The following CRISP2 variants were observed in gnomAD, a reference collection of about 807,000 sequenced individuals.
The protein encoded by CRISP2 is cysteine-rich secretory protein 2.
A neutral mutation model predicts 31.7 loss-of-function variants in CRISP2; 29 were observed. The observed-to-expected ratio is 0.92, with a 90% CI of 0.68 to 1.25. The LOEUF (loss-of-function observed/expected upper bound fraction) is 1.25. Among genes scored for constraint, CRISP2 ranks in the 50% most tolerant of loss-of-function variants. The pLI, the probability that CRISP2 is intolerant of heterozygous loss-of-function variation, is 0.00. For synonymous variants in CRISP2, 111 were observed against 101.4 expected, an observed-to-expected ratio of 1.09 and a Z score of -0.57; for missense variants, 318 against 286.5, an observed-to-expected ratio of 1.11 and a Z score of -0.79.
At chr6:49,712,428 C>T (rs963216732) in intron 2 of CRISP2, 73 bp downstream of exon 2, 5 of 152,108 alleles carry the variant, frequency 3.3e-5, no homozygotes, top group South Asian at 2.1e-4. Flanking sequence ...CATATAATTA[C>T]ATTTTATTCC....
chr6:49,690,701 A>G (rs1018725587), downstream of CRISP2, among the ~76,000 whole-genome samples: 2 of 152,050 alleles, frequency 1.3e-5, no homozygotes, highest in Non-Finnish European at 2.9e-5. Flanking sequence ...TTTACTTTAG[A>G]TTTGGACATT....
chr6:49,698,918 A>G (rs1765202517), intron 6 of CRISP2, among the ~76,000 whole-genome samples: 1 of 152,052 alleles, frequency 6.6e-6, no homozygotes, highest in South Asian at 2.1e-4. Context: ...AATGTATAAG[A>G]CTTTGTGTGA....
In CRISP2 at chr6:49,692,726, G is replaced by A. The variant is rs779132281; in HGVS notation, c.*47C>T. On this transcript the variant is annotated 3_prime_UTR_variant, in exon 10 of 10. Transcript: ENST00000339139. ...TTCCACTGGTATGTCGCAATTAAATGATGCAGCCCTTATCCATGCAGTCTT... is the reference window on the plus strand; with the variant it reads ...TTCCACTGGTATGTCGCAATTAAATAATGCAGCCCTTATCCATGCAGTCTT... 6.6e-7 allele frequency: 1 copy of A among 1,515,054 alleles called. No individual in the cohort carries two copies. Among genetic ancestry groups the A allele is most frequent in the South Asian group, 1.3e-5 (1 of 76,876 alleles). 93.9% of individuals were successfully genotyped at this position (1,515,054 alleles called of 1,614,324 possible).
At chr6:49,701,294 A>G (rs1765631084) in intron 4 of CRISP2, among the ~76,000 whole-genome samples, 1 of 151,644 alleles carries the variant, frequency 6.6e-6, no homozygotes, top group African/African-American at 2.4e-5. Context: ...TTTTCTCCCA[A>G]GTCCCCAAAG....
intron 5 of CRISP2, among the ~76,000 whole-genome samples, chr6:49,700,445 C>T (rs1765469066): frequency 1.3e-5 from 2 of 152,228 alleles, no homozygotes; most frequent in African/African-American, 2.4e-5. Flanking sequence ...ATTTGACTTC[C>T]AATTATGCCT....
intron 8 of CRISP2, among the ~76,000 whole-genome samples, chr6:49,697,202 G>T (rs1433142266): frequency 6.6e-6 from 1 of 152,050 alleles, no homozygotes; most frequent in Non-Finnish European, 1.5e-5. Context: ...ATTTATTGTG[G>T]ATAACTCTAA....
downstream of CRISP2, among the ~76,000 whole-genome samples, chr6:49,689,159 G>A (rs925662380): frequency 6.6e-5 from 10 of 152,068 alleles, no homozygotes; most frequent in African/African-American, 1.9e-4. Context: ...GTGAGCCACT[G>A]TGCCCAGCCT....
chr6:49,691,405 T>C (rs1764049571), downstream of CRISP2, among the ~76,000 whole-genome samples: 1 of 152,094 alleles, frequency 6.6e-6, no homozygotes, highest in Admixed American at 6.5e-5. Flanking sequence ...TGGGGAGCTA[T>C]ATATACAATG....
the CRISP2 span, among the ~76,000 whole-genome samples, chr6:49,684,870 G>A: frequency 2.0e-5 from 3 of 152,160 alleles, no homozygotes; most frequent in African/African-American, 7.2e-5. Context: ...TAAACTTTCA[G>A]TCAATTAGTA....
At chr6:49,708,585 G>C (rs1194644114) in intron 4 of CRISP2, among the ~76,000 whole-genome samples, 3 of 152,132 alleles carry the variant, frequency 2.0e-5, no homozygotes, top group African/African-American at 7.2e-5. Context: ...ACCAGAAGGT[G>C]GGGAAAGGCA....
At chr6:49,687,232 C>A in the CRISP2 span, among the ~76,000 whole-genome samples, 2 of 151,920 alleles carry the variant, frequency 1.3e-5, no homozygotes, top group Non-Finnish European at 2.9e-5. Flanking sequence ...TGTCTATAAG[C>A]CTAAAACTTT....
chr6:49,705,955 A>G (rs973664490), intron 4 of CRISP2, among the ~76,000 whole-genome samples: 6 of 152,232 alleles, frequency 3.9e-5, no homozygotes, highest in African/African-American at 1.4e-4. Context: ...TTTTCCTGCC[A>G]TGCTCCTGCA....
chr6:49,694,792 T>A, intron 9 of CRISP2, among the ~76,000 whole-genome samples: 1 of 151,040 alleles, frequency 6.6e-6, no homozygotes, highest in Non-Finnish European at 1.5e-5. Flanking sequence ...TGGAGTGCAG[T>A]GGCCGAACTC....
intron 9 of CRISP2, 86 bp downstream of exon 9, chr6:49,695,750 A>G: frequency 2.8e-6 from 3 of 1,074,888 alleles, no homozygotes; most frequent in Non-Finnish European, 4.0e-6. Context: ...TCAATTCATT[A>G]CGTTAGGAGA....
rs1765127948 is a variant in CRISP2, at chr6:49,698,374, T to C, written c.405A>G (p.Gly135=). 1 of 1,613,066 alleles carries C rather than the reference T, an allele frequency of 6.2e-7. No homozygotes were observed. The highest frequency in any genetic ancestry group is 8.5e-7 in the Non-Finnish European group (1 of 1,179,576). ...VGPKSPNAVV[G]HYTQLVWYST... ...GCATTCTTCTTACCTGAGTATAATGTCCAACAACTGCATTGGGACTCTTTG... is the reference window on the plus strand; with the variant it reads ...GCATTCTTCTTACCTGAGTATAATGCCCAACAACTGCATTGGGACTCTTTG... Residue 135 remains glycine (G), a synonymous_variant, in exon 7 of 10, where the codon GGA becomes GGG. Coordinates refer to ENST00000339139, the MANE Select transcript of CRISP2 (RefSeq NM_003296.4).
At chr6:49,699,034 C>T (rs1765226553) in intron 6 of CRISP2, among the ~76,000 whole-genome samples, 1 of 152,024 alleles carries the variant, frequency 6.6e-6, no homozygotes, top group Non-Finnish European at 1.5e-5. Context: ...TTCTCTTAAC[C>T]AGGAAATCAG....
At chr6:49,688,472 A>G (rs1407153430), downstream of CRISP2, among the ~76,000 whole-genome samples, 6 of 152,148 alleles carry the variant, frequency 3.9e-5, no homozygotes, top group East Asian at 5.8e-4. Flanking sequence ...ATTATCTGCC[A>G]CAAATGAGTC....
chr6:49,686,426 A>G, the CRISP2 span, among the ~76,000 whole-genome samples: 1 of 152,242 alleles, frequency 6.6e-6, no homozygotes, highest in Non-Finnish European at 1.5e-5. Flanking sequence ...ATAAATGCAC[A>G]TGCAACTTTG....
At chr6:49,709,264 G>A in intron 3 of CRISP2, 59 bp from the exon 4 acceptor site, 1 of 1,395,656 alleles carries the variant, frequency 7.2e-7, no homozygotes, top group Non-Finnish European at 1.0e-6. Context: ...ACTTCTAAGA[G>A]GGGGAATACC....
Sources: allele counts gnomAD v4.1 joint callset (sites outside exome capture counted in the v4.1 genomes callset), GRCh38; gene constraint gnomAD v4.1.1; transcripts MANE v1.5; gene names NCBI Gene and HGNC (gene_info 2026-07-23, HGNC 2026-07-21).